TNRC6B: variants seen among roughly 807,000 people sequenced by gnomAD.
TNRC6B encodes trinucleotide repeat containing adaptor 6B.
TNRC6B carries 52 observed loss-of-function variants against 203.6 expected under a neutral mutation model. The observed-to-expected ratio is 0.26, with a 90% CI of 0.20 to 0.32. The LOEUF is 0.32. TNRC6B is among the 10% of genes least tolerant of loss of function. The pLI is 1.00. For synonymous variants in TNRC6B, 838 were observed against 845.7 expected (o/e 0.99, Z 0.16); for missense variants, 1,923 against 2,286.2 (o/e 0.84, Z 3.24).
chr22:40,065,411 G>T (rs1026463043), intron 1 of TNRC6B, among the ~76,000 whole-genome samples: 1 of 152,080 alleles, frequency 6.6e-6, no homozygotes, highest in East Asian at 1.9e-4. Context: ...CTCCCAAATC[G>T]TTACAACTAC....
intron 4 of TNRC6B, among the ~76,000 whole-genome samples, chr22:40,171,314 A>G (rs1175646019): frequency 1.3e-5 from 2 of 151,712 alleles, no homozygotes; most frequent in Non-Finnish European, 2.9e-5. Flanking sequence ...GGTGCATGCT[A>G]CCACACCCGG....
At chr22:40,275,599 A>G (rs1275285400) in intron 7 of TNRC6B, among the ~76,000 whole-genome samples, 1 of 152,044 alleles carries the variant, frequency 6.6e-6, no homozygotes, top group East Asian at 1.9e-4. Context: ...ACAAAACTGA[A>G]CTCTGTACCT....
chr22:40,108,550 T>C (rs1305775576), intron 1 of TNRC6B, among the ~76,000 whole-genome samples: 1 of 152,246 alleles, frequency 6.6e-6, no homozygotes, highest in Non-Finnish European at 1.5e-5. Context: ...ACTATTTTAA[T>C]AATACTAAGA....
intron 3 of TNRC6B, among the ~76,000 whole-genome samples, chr22:40,145,359 C>T (rs1379962805): frequency 6.6e-6 from 1 of 152,080 alleles, no homozygotes; most frequent in Non-Finnish European, 1.5e-5. Context: ...GAGGAGCTTC[C>T]ACCCATCTCC....
intron 4 of TNRC6B, among the ~76,000 whole-genome samples, chr22:40,172,311 C>G (rs1179901763): frequency 6.6e-6 from 1 of 152,230 alleles, no homozygotes; most frequent in African/African-American, 2.4e-5. Context: ...TCAGTGAGTT[C>G]CTTCTCCTAT....
chr22:40,100,241 C>G (rs1439711433), intron 1 of TNRC6B, among the ~76,000 whole-genome samples: 1 of 151,948 alleles, frequency 6.6e-6, no homozygotes, highest in Non-Finnish European at 1.5e-5. Flanking sequence ...CCTGTGCCAC[C>G]ACACCCAGCT....
chr22:40,303,046 C>CTTTTTTT (rs756951957), intron 15 of TNRC6B, among the ~76,000 whole-genome samples: 4 of 90,062 alleles, frequency 4.4e-5, no homozygotes, highest in Non-Finnish European at 8.7e-5. Flanking sequence ...TCTTCTTCTT[C>CTTTTTTT]TTTTTTTTTT....
intron 1 of TNRC6B, among the ~76,000 whole-genome samples, chr22:40,049,896 GC>G (rs2067731041): frequency 6.6e-6 from 1 of 152,104 alleles, no homozygotes. Flanking sequence ...GAGCCACCGC[GC>G]CCGGCTGGCA....
chr22:40,268,125 T>C (rs776336621), intron 5 of TNRC6B, among the ~76,000 whole-genome samples: 54 of 152,206 alleles, frequency 3.5e-4, no homozygotes, highest in Non-Finnish European at 6.0e-4. Context: ...TCTCACTCTG[T>C]TGCCCAGGCT....
In TNRC6B at chr22:40,323,466, A is replaced by G; in HGVS notation, c.*225A>G. ...GAATATGAATCCAAAAAGAGAACAT[A>G]TCACTCTTGAAATACTTGAATCATG... On this transcript the variant is annotated 3_prime_UTR_variant, in exon 23 of 23. Transcript: ENST00000454349. The G allele has an allele frequency of 2.1e-6, 1 of 473,400 alleles. No individual in the cohort carries two copies. The highest frequency in any genetic ancestry group is 3.7e-6 in the Non-Finnish European group (1 of 272,176). 29.3% of individuals were successfully genotyped at this position (473,400 alleles called of 1,614,324 possible).
intron 1 of TNRC6B, among the ~76,000 whole-genome samples, chr22:40,062,159 G>A (rs1394616379): frequency 2.0e-5 from 3 of 152,010 alleles, no homozygotes; most frequent in South Asian, 2.1e-4. Context: ...TTACTTATAC[G>A]TATGTTATAA....
intron 1 of TNRC6B, among the ~76,000 whole-genome samples, chr22:40,215,655 C>A (rs1326204659): frequency 6.6e-6 from 1 of 152,216 alleles, no homozygotes; most frequent in African/African-American, 2.4e-5. Context: ...CCCTTTGTTC[C>A]CCCAGCCCTG....
intron 16 of TNRC6B, 32 bp from the exon 17 acceptor site, chr22:40,310,785 T>C: frequency 6.3e-7 from 1 of 1,591,338 alleles, no homozygotes; most frequent in Non-Finnish European, 8.6e-7. Context: ...TAGGAGTTAT[T>C]CTGGATGATT....
intron 1 of TNRC6B, among the ~76,000 whole-genome samples, chr22:40,233,031 C>T (rs1443629354): frequency 6.6e-6 from 1 of 151,982 alleles, no homozygotes; most frequent in Non-Finnish European, 1.5e-5. Context: ...GCCTATAGTC[C>T]CAGCTACTCA....
At chr22:40,276,891 A>G (rs1297482201) in intron 7 of TNRC6B, 186 bp from the exon 8 acceptor site, 4 of 400,986 alleles carry the variant, frequency 1.0e-5, no homozygotes, top group Admixed American at 4.5e-5. Flanking sequence ...TATAAAAATG[A>G]AAACATAGAT....
At chr22:40,048,124 C>T (rs930480114) in intron 1 of TNRC6B, among the ~76,000 whole-genome samples, 1 of 152,244 alleles carries the variant, frequency 6.6e-6, no homozygotes, top group Non-Finnish European at 1.5e-5. Flanking sequence ...CCTCTCACTT[C>T]CAGAGTTCTG....
intron 22 of TNRC6B, chr22:40,321,816 T>C (rs2071337822): frequency 6.6e-6 from 1 of 152,314 alleles, no homozygotes; most frequent in South Asian, 2.1e-4. Context: ...GCTAATAGAA[T>C]TGCCATTGTT....
At chr22:40,269,105 A>T (rs2070521772) in intron 5 of TNRC6B, among the ~76,000 whole-genome samples, 1 of 142,958 alleles carries the variant, frequency 7.0e-6, no homozygotes, top group African/African-American at 2.6e-5. Flanking sequence ...CTGCTGCTTA[A>T]TTGCTTCATA....
At chr22:40,280,726 T>G (rs1031127443) in intron 10 of TNRC6B, among the ~76,000 whole-genome samples, 4 of 152,362 alleles carry the variant, frequency 2.6e-5, no homozygotes, top group Admixed American at 2.6e-4. Context: ...AAAACCAAAA[T>G]TTTTAAATCT....
Sources: gnomAD v4.1 joint callset for allele counts (sites outside exome capture counted in the v4.1 genomes callset) on GRCh38, gnomAD v4.1.1 for gene constraint, MANE v1.5 for transcripts, NCBI Gene and HGNC (gene_info 2026-07-23, HGNC 2026-07-21) for gene names.